IGF2R: variants seen among roughly 807,000 people sequenced by gnomAD.
The protein encoded by IGF2R is insulin like growth factor 2 receptor, also known as cation-independent mannose-6-phosphate receptor.
IGF2R carries 91 observed loss-of-function variants against 270.6 expected under a neutral mutation model. The ratio of observed to expected loss-of-function variants is 0.34; its 90% CI spans 0.28 to 0.40. The LOEUF (loss-of-function observed/expected upper bound fraction) is 0.40, where lower values mean the gene tolerates loss of function less well. Ranked by LOEUF, IGF2R falls within the 10% of genes least tolerant of loss-of-function variation. The pLI is 1.00. For missense variants in IGF2R, 2,805 were observed against 3,188.3 expected (o/e 0.88, Z 2.90); for synonymous variants, 1,316 against 1,258.9 (o/e 1.05, Z -0.96).
At position 160,063,741 on chromosome 6, in the gene IGF2R, T is replaced by TAA. The variant is rs112146659; in HGVS notation, c.3886+124_3886+125dup. Reference sequence around the variant, plus strand: ...AGTCAGAAACATGAGTGTTCTACTGTAAAAAAAAAAAAAAGCATATTAATG... The same window carrying TAA: ...AGTCAGAAACATGAGTGTTCTACTGTAAAAAAAAAAAAAAAAGCATATTAATG... On this transcript the variant is annotated intron_variant, in intron 27 of 47. Coordinates refer to ENST00000356956, the MANE Select transcript of IGF2R (RefSeq NM_000876.4). 723 of 626,680 alleles carry TAA rather than the reference T, an allele frequency of 1.2e-3. 1 individual carries two copies. Among genetic ancestry groups the TAA allele is most frequent in the Non-Finnish European group, 7.9e-4 (291 of 370,348 alleles). 38.8% of individuals were successfully genotyped at this position (626,680 alleles called of 1,614,324 possible).
intron 39 of IGF2R, among the ~76,000 whole-genome samples, chr6:160,083,328 G>T: frequency 6.6e-6 from 1 of 152,272 alleles, no homozygotes; most frequent in South Asian, 2.1e-4. Context: ...CTCGCCTCCC[G>T]CCACAGGGCA....
chr6:160,061,611 T>G lies in IGF2R; in HGVS notation c.3371T>G (p.Val1124Gly). 1 of 1,614,198 alleles carries G rather than the reference T, an allele frequency of 6.2e-7. No individual in the cohort carries two copies. Among genetic ancestry groups the G allele is most frequent in the Non-Finnish European group, 8.5e-7 (1 of 1,180,036 alleles). ...DGRKRTFYLS[V>G]CNPLPYIPGC... ...AGAAAGAGGACTTTCTATTTGAGCG[T>G]TTGCAATCCTCTCCCTTACATTCCT... The change falls in exon 24 of 48, where the codon GTT becomes GGT. Residue 1124 changes from valine (V) to glycine (G), a missense_variant. Transcript: ENST00000356956.
rs368664310 is a variant in IGF2R at position 160,056,450 on chromosome 6, C to A, written c.2721C>A (p.Asn907Lys). The change falls in exon 20 of 48, where the codon AAC (asparagine) becomes AAA (lysine). Residue 907 changes from asparagine to lysine, a missense_variant. This residue lies in a region of IGF2R where 1,851 missense variants were observed against 2,207.2 expected (regional missense o/e 0.84). Coordinates refer to ENST00000356956, the MANE Select transcript of IGF2R (RefSeq NM_000876.4). ...RLNSHPIFSLNWECVVSFLWN... is the reference protein window; with the variant it reads ...RLNSHPIFSLKWECVVSFLWN... ...ACAGCCACCCCATCTTTTCTCTCAA[C>A]TGGGAGTGTGTGGTCAGTTTCCTGT... The A allele has an allele frequency of 6.2e-7, 1 of 1,613,864 alleles. No individual in the cohort carries two copies. The highest frequency in any genetic ancestry group is 8.5e-7 in the Non-Finnish European group (1 of 1,179,816).
At chr6:160,022,109 G>T (rs1368333634) in intron 4 of IGF2R, among the ~76,000 whole-genome samples, 1 of 151,984 alleles carries the variant, frequency 6.6e-6, no homozygotes, top group Non-Finnish European at 1.5e-5. Context: ...AATATTGGTG[G>T]AACTTGAGGC....
intron 44 of IGF2R, 45 bp downstream of exon 44, chr6:160,090,148 A>C: frequency 1.5e-6 from 2 of 1,371,246 alleles, no homozygotes; most frequent in South Asian, 1.7e-5. Context: ...ACTTCCTCCA[A>C]GGAAGGGGAT....
intron 2 of IGF2R, among the ~76,000 whole-genome samples, chr6:159,995,228 G>A (rs767129622): frequency 4.6e-5 from 7 of 151,350 alleles, no homozygotes; most frequent in Non-Finnish European, 1.0e-4. Flanking sequence ...TGACTTAAAA[G>A]TCTCTTTTAT....
At chr6:160,001,915 AC>A (rs1416125063) in intron 2 of IGF2R, among the ~76,000 whole-genome samples, 2 of 152,008 alleles carry the variant, frequency 1.3e-5, no homozygotes, top group Non-Finnish European at 2.9e-5. Context: ...AGGGGCACCA[AC>A]CCCCTGCACA....
At position 160,104,763 on chromosome 6, in the gene IGF2R, G is replaced by A; in HGVS notation, c.7155G>A (p.Gly2385=). ...CTCCTCCACGGCAGGGAAAGGAAGG[G>A]CAGGAGAACGGCCATATTACCACCA... ...QLPPPRQGKE[G]QENGHITTKS... The change falls in exon 48 of 48, where the codon GGG becomes GGA. Residue 2385 remains glycine (G), a synonymous_variant. Transcript: ENST00000356956. 2 of 1,614,172 alleles carry A rather than the reference G, an allele frequency of 1.2e-6. No homozygotes were observed. The highest frequency in any genetic ancestry group is 2.2e-5 in the South Asian group (2 of 91,082).
chr6:160,107,678 A>AC lies in IGF2R; in HGVS notation c.*2598dup, dbSNP rs763784135. 3 of 152,112 alleles carry AC rather than the reference A, an allele frequency of 2.0e-5. No individual in the cohort carries two copies. The highest frequency in any genetic ancestry group is 2.9e-5 in the Non-Finnish European group (2 of 68,024). 9.4% of individuals were successfully genotyped at this position (152,112 alleles called of 1,614,324 possible). A position where few individuals can be genotyped will look rare whatever the true frequency, so the allele number is the denominator to read the frequency against. On this transcript the variant is annotated 3_prime_UTR_variant, in exon 48 of 48. Transcript: ENST00000356956. ...GGGGTGCTAAAGATGGAATAGGCAA[A>AC]CCCCACACCAAGGAAATCCACAGTG...
chr6:160,075,732 T>G, intron 35 of IGF2R, 115 bp from the exon 36 acceptor site: 2 of 1,025,884 alleles, frequency 1.9e-6, no homozygotes, highest in Non-Finnish European at 2.9e-6. Flanking sequence ...TAGATGCTGC[T>G]CATTCTCAGA....
At chr6:159,985,235 C>G (rs1783863685) in intron 1 of IGF2R, among the ~76,000 whole-genome samples, 1 of 152,134 alleles carries the variant, frequency 6.6e-6, no homozygotes, top group Non-Finnish European at 1.5e-5. Context: ...TGTGTTGTAA[C>G]TGAAACTAAA....
chr6:160,061,448 T>C (rs1778436169), intron 23 of IGF2R, 55 bp from the exon 24 acceptor site: 1 of 1,576,888 alleles, frequency 6.3e-7, no homozygotes, highest in African/African-American at 1.4e-5. Flanking sequence ...AAGGCAGTTC[T>C]TGAGTGCTCA....
intron 45 of IGF2R, among the ~76,000 whole-genome samples, chr6:160,098,475 G>A (rs561143691): frequency 1.4e-4 from 21 of 152,268 alleles, no homozygotes; most frequent in African/African-American, 3.6e-4. Context: ...GTGGAATAGT[G>A]CCTGAGATTT....
At chr6:160,018,570 C>T (rs1457346951) in intron 4 of IGF2R, among the ~76,000 whole-genome samples, 1 of 151,758 alleles carries the variant, frequency 6.6e-6, no homozygotes. Context: ...ATATGTCATA[C>T]CAAAAAACAA....
chr6:159,977,325 G>C (rs543573213), intron 1 of IGF2R, among the ~76,000 whole-genome samples: 5 of 152,218 alleles, frequency 3.3e-5, no homozygotes, highest in Non-Finnish European at 7.3e-5. Context: ...GTCTCCACCC[G>C]ACCTTGGCTG....
intron 39 of IGF2R, among the ~76,000 whole-genome samples, chr6:160,083,078 C>T (rs1216193248): frequency 2.6e-5 from 4 of 152,168 alleles, no homozygotes; most frequent in African/African-American, 9.7e-5. Flanking sequence ...CCTCTGAGTT[C>T]CCTCAGTTTT....
intron 8 of IGF2R, 81 bp downstream of exon 8, chr6:160,032,794 C>A: frequency 6.8e-7 from 1 of 1,478,146 alleles, no homozygotes; most frequent in South Asian, 1.2e-5. Flanking sequence ...GGGGCCAAGT[C>A]AGTCCATGCA....
At position 160,102,812 on chromosome 6, in the gene IGF2R, C is replaced by G. The variant is rs1779518313; in HGVS notation, c.6995+141C>G. 2 of 994,990 alleles carry G rather than the reference C, an allele frequency of 2.0e-6. No individual in the cohort carries two copies. The highest frequency in any genetic ancestry group is 1.8e-5 in the South Asian group (1 of 56,676). The allele number at this position is 994,990 out of a possible 1,614,324, so 61.6% of individuals were successfully genotyped here. The stretch of plus-strand genomic sequence containing the variant: ...CTCGAGGTTCTTAGTCCAAAACTCT[C>G]TGGAAGCAGTCCCCAGCGTTGTGGT... On this transcript the variant is annotated intron_variant, in intron 46 of 47. Transcript: ENST00000356956. This position sits in a 1 kb window ranked among gnomAD's most constrained non-coding sequence, Gnocchi z 4.5.
At chr6:160,046,885 T>C (rs539531533) in intron 15 of IGF2R, among the ~76,000 whole-genome samples, 66 of 152,352 alleles carry the variant, frequency 4.3e-4, no homozygotes, top group African/African-American at 1.6e-3. Flanking sequence ...CATTTTGTGC[T>C]TCTCAGTGCC....
Sources: gnomAD v4.1 joint callset for allele counts (sites outside exome capture counted in the v4.1 genomes callset) on GRCh38, gnomAD v4.1.1 for gene constraint, gnomAD v4.1.1 regional missense constraint, Gnocchi (gnomAD v3.1) non-coding constraint, MANE v1.5 for transcripts, NCBI Gene and HGNC (gene_info 2026-07-23, HGNC 2026-07-21) for gene names.